CAST: variants seen among roughly 807,000 people sequenced by gnomAD.
The protein encoded by CAST is MIR583 host.
Under a neutral mutation model 119.6 loss-of-function variants are expected in CAST, and 76 were observed. The ratio of observed to expected loss-of-function variants is 0.64; its 90% CI spans 0.53 to 0.77. The LOEUF (loss-of-function observed/expected upper bound fraction) is 0.77, where lower values mean the gene tolerates loss of function less well. Among genes scored for constraint, CAST ranks in the 30% least tolerant of loss-of-function variants. CAST has a pLI of 0.00. For synonymous variants in CAST, 319 were observed against 331.6 expected, an observed-to-expected ratio of 0.96 and a Z score of 0.41; for missense variants, 953 against 946.5, an observed-to-expected ratio of 1.01 and a Z score of -0.09.
At chr5:96,269,146 G>T in the CAST span, among the ~76,000 whole-genome samples, 1 of 152,042 alleles carries the variant, frequency 6.6e-6, no homozygotes, top group Non-Finnish European at 1.5e-5. Flanking sequence ...CCAGTCTCAG[G>T]TAGTTCTTTT....
the CAST span, chr5:96,432,792 TG>T: frequency 7.5e-7 from 1 of 1,341,174 alleles, no homozygotes. Context: ...GGCTCCCACT[TG>T]GAAGACCGCG....
the CAST span, among the ~76,000 whole-genome samples, chr5:96,340,404 T>C: frequency 6.6e-6 from 1 of 152,026 alleles, no homozygotes; most frequent in Admixed American, 6.6e-5. Context: ...TTCATCTTTG[T>C]TCTGAGTTGC....
chr5:95,967,712 G>A, the CAST span, among the ~76,000 whole-genome samples: 1 of 152,254 alleles, frequency 6.6e-6, no homozygotes, highest in South Asian at 2.1e-4. Flanking sequence ...CTTCCACCAT[G>A]ATTGTTAGTT....
chr5:96,553,043 C>T (rs748962414), intron 1 of CAST, among the ~76,000 whole-genome samples: 1 of 152,118 alleles, frequency 6.6e-6, no homozygotes, highest in African/African-American at 2.4e-5. Flanking sequence ...AGAGGGAATC[C>T]TCACTAACTC....
the CAST span, among the ~76,000 whole-genome samples, chr5:96,178,585 T>G: frequency 2.0e-5 from 3 of 152,340 alleles, no homozygotes; most frequent in East Asian, 5.8e-4. Flanking sequence ...TGATGGGCTC[T>G]AGTCTTTGCA....
the CAST span, among the ~76,000 whole-genome samples, chr5:96,186,765 C>T: frequency 1.1e-4 from 16 of 152,044 alleles, no homozygotes; most frequent in Admixed American, 2.0e-4. Context: ...TATTCGTTGA[C>T]GATTTTTGCA....
At chr5:96,462,471 C>T in the CAST span, among the ~76,000 whole-genome samples, 2 of 152,026 alleles carry the variant, frequency 1.3e-5, no homozygotes, top group African/African-American at 4.8e-5. Flanking sequence ...ATTAGTAGTA[C>T]ATGCTTTCTT....
At chr5:95,987,652 G>A in the CAST span, among the ~76,000 whole-genome samples, 1 of 152,148 alleles carries the variant, frequency 6.6e-6, no homozygotes, top group Non-Finnish European at 1.5e-5. Context: ...CTGTGGACAA[G>A]TCACTTAGTC....
At chr5:96,316,515 G>C in the CAST span, among the ~76,000 whole-genome samples, 1 of 152,180 alleles carries the variant, frequency 6.6e-6, no homozygotes, top group Non-Finnish European at 1.5e-5. Context: ...TGTTACCATG[G>C]GAAGCACGGC....
upstream of CAST, among the ~76,000 whole-genome samples, chr5:96,525,920 T>TTTTATTG (rs1745591441): frequency 6.6e-6 from 1 of 152,232 alleles, no homozygotes; most frequent in African/African-American, 2.4e-5. Context: ...TGATAGTTCC[T>TTTTATTG]TCCAGAGGGA....
the CAST span, among the ~76,000 whole-genome samples, chr5:96,222,105 A>G: frequency 2.5e-3 from 381 of 152,314 alleles, no homozygotes; most frequent in Non-Finnish European, 6.6e-4. Flanking sequence ...TACAAGAATC[A>G]ACCCAAGATG....
At chr5:96,497,579 T>G in the CAST span, among the ~76,000 whole-genome samples, 2 of 152,158 alleles carry the variant, frequency 1.3e-5, no homozygotes, top group Non-Finnish European at 2.9e-5. Context: ...GGTATCTCAT[T>G]GTGGTTTTGA....
the CAST span, among the ~76,000 whole-genome samples, chr5:96,044,305 G>A: frequency 6.6e-6 from 1 of 152,176 alleles, no homozygotes; most frequent in South Asian, 2.1e-4. Flanking sequence ...TAAGAGTGAA[G>A]CCCTCATGAA....
chr5:96,633,732 T>C (rs1342930999), intron 1 of CAST, among the ~76,000 whole-genome samples: 1 of 152,340 alleles, frequency 6.6e-6, no homozygotes, highest in South Asian at 2.1e-4. Flanking sequence ...CAGGACAAAG[T>C]GTGAACAGAA....
the CAST span, among the ~76,000 whole-genome samples, chr5:96,048,901 C>T: frequency 6.6e-6 from 1 of 152,134 alleles, no homozygotes; most frequent in Non-Finnish European, 1.5e-5. Context: ...GAAGAATATA[C>T]ACCACACTCT....
the CAST span, among the ~76,000 whole-genome samples, chr5:96,104,217 G>A: frequency 6.6e-6 from 1 of 152,180 alleles, no homozygotes; most frequent in Non-Finnish European, 1.5e-5. Context: ...TTCTTTTGCG[G>A]TGCAGAAGCT....
the CAST span, among the ~76,000 whole-genome samples, chr5:96,352,745 C>A: frequency 6.6e-6 from 1 of 152,114 alleles, no homozygotes; most frequent in African/African-American, 2.4e-5. Context: ...ACCCACATGT[C>A]AGGGGAGGGA....
the CAST span, chr5:96,431,960 G>T: frequency 2.1e-5 from 15 of 720,538 alleles, no homozygotes; most frequent in Non-Finnish European, 3.2e-5. Context: ...GAATCGCTCA[G>T]CTATAAGCAG....
At chr5:96,675,071 G>A (rs1202795176) in intron 1 of CAST, among the ~76,000 whole-genome samples, 3 of 152,154 alleles carry the variant, frequency 2.0e-5, no homozygotes, top group African/African-American at 7.2e-5. Context: ...TTGCAGGTAT[G>A]GTCTTTGTCC....
Sources: gnomAD v4.1 joint callset for allele counts (sites outside exome capture counted in the v4.1 genomes callset) on GRCh38, gnomAD v4.1.1 for gene constraint, MANE v1.5 for transcripts, NCBI Gene and HGNC (gene_info 2026-07-23, HGNC 2026-07-21) for gene names.